Variants in NADSYN1 observed in about 807,000 individuals in gnomAD.
NADSYN1 encodes the protein glutamine-dependent NAD(+) synthetase.
In NADSYN1, 80 loss-of-function variants were observed where a neutral mutation model predicts 99.3. The ratio of observed to expected loss-of-function variants is 0.81; its 90% confidence interval spans 0.67 to 0.97. NADSYN1 has a LOEUF of 0.97. Ranked by LOEUF, NADSYN1 falls within the 50% of genes least tolerant of loss-of-function variation. NADSYN1 has a pLI of 0.00. For missense variants in NADSYN1, 859 were observed against 948.5 expected (o/e 0.91, Z 1.24); for synonymous variants, 385 against 372.1 (o/e 1.03, Z -0.40).
At chr11:71,480,178 T>C (rs1163345983) in intron 10 of NADSYN1, 2 of 152,520 alleles carry the variant, frequency 1.3e-5, no homozygotes, top group Non-Finnish European at 2.9e-5. Flanking sequence ...TTTTGTTTGT[T>C]TTTTGAGACG....
rs1949735207 is a variant in NADSYN1, at chr11:71,485,316, T to C, written c.1456-226T>C. On this transcript the variant is annotated intron_variant, in intron 15 of 20. Transcript: ENST00000319023. ...CCCTCCCGGGCTCTGGGTGCTCCCA[T>C]CTTTGAAGGCAAGGCACCACTGAGC... is the stretch of plus-strand genomic sequence containing the variant. 3 of 355,830 alleles carry C rather than the reference T, an allele frequency of 8.4e-6. No individual in the cohort carries two copies. In the Admixed American group the frequency reaches 1.4e-4, roughly 16 times the overall value. 22.0% of individuals were successfully genotyped at this position (355,830 alleles called of 1,614,324 possible).
At chr11:71,475,750 T>C (rs569014373) in intron 9 of NADSYN1, 55 of 286,814 alleles carry the variant, frequency 1.9e-4, no homozygotes, top group African/African-American at 1.2e-3. Flanking sequence ...AGTCTTGCTC[T>C]GTCACCCAGG....
At position 71,485,620 on chromosome 11, in the gene NADSYN1, G is replaced by A. The variant is rs773649594; in HGVS notation, c.1534G>A (p.Val512Met). Reference sequence around the variant, plus strand: ...TCGGGGTGTCCACGGTGGGCTCCTCGTGCTGGGATCCGCCAACGTGGATGA... The same window carrying A: ...TCGGGGTGTCCACGGTGGGCTCCTCATGCTGGGATCCGCCAACGTGGATGA... Reference protein sequence around the residue: ...WSRGVHGGLLVLGSANVDESL... With the variant: ...WSRGVHGGLLMLGSANVDESL... Residue 512 changes from valine to methionine, a missense_variant, in exon 16 of 21, where the codon GTG (valine) becomes ATG (methionine). By Grantham distance (21) the Val-to-Met change is conservative (BLOSUM62 1). Coordinates refer to ENST00000319023, the MANE Select transcript of NADSYN1 (RefSeq NM_018161.5). 1.1e-5 allele frequency: 17 copies of A among 1,558,062 alleles called. No homozygotes were observed. In the East Asian group the frequency reaches 2.4e-4, roughly 22 times the overall value.
chr11:71,464,171 A>T, intron 5 of NADSYN1, 29 bp downstream of exon 5: 1 of 1,555,556 alleles, frequency 6.4e-7, no homozygotes, highest in Non-Finnish European at 8.8e-7. Context: ...CACTCCTGGG[A>T]TGTGCGTTAA....
intron 2 of NADSYN1, among the ~76,000 whole-genome samples, chr11:71,457,115 GC>G (rs1409035930): frequency 1.3e-5 from 2 of 152,282 alleles, no homozygotes; most frequent in African/African-American, 4.8e-5. Flanking sequence ...ATGCCATGCA[GC>G]GGGACGTGTG....
intron 16 of NADSYN1, among the ~76,000 whole-genome samples, chr11:71,490,501 G>T (rs1201941938): frequency 4.6e-5 from 7 of 152,126 alleles, no homozygotes; most frequent in Non-Finnish European, 1.0e-4. Context: ...GCCCGCGGCC[G>T]CCCGGGCAGC....
intron 4 of NADSYN1, 138 bp from the exon 5 acceptor site, chr11:71,463,915 G>A: frequency 1.5e-6 from 1 of 648,062 alleles, no homozygotes; most frequent in South Asian, 1.9e-5. Context: ...GCCCAGAGAA[G>A]GAGAGAGATT....
At chr11:71,476,108 T>C (rs1469787416) in intron 9 of NADSYN1, 1 of 456,158 alleles carries the variant, frequency 2.2e-6, no homozygotes, top group Non-Finnish European at 4.4e-6. Context: ...AAAAAGTAAC[T>C]TTTAGTTCTG....
intron 5 of NADSYN1, among the ~76,000 whole-genome samples, chr11:71,471,546 C>CT (rs1435588551): frequency 8.5e-5 from 13 of 152,158 alleles, no homozygotes; most frequent in African/African-American, 2.7e-4. Context: ...TCCAGGGTGT[C>CT]TTTGCATGAG....
chr11:71,497,912 G>T (rs1023116757), intron 19 of NADSYN1, among the ~76,000 whole-genome samples: 3 of 152,226 alleles, frequency 2.0e-5, no homozygotes, highest in African/African-American at 7.2e-5. Context: ...CCTGTTGTGA[G>T]TCTTGCTGGG....
intron 6 of NADSYN1, among the ~76,000 whole-genome samples, 165 bp from the exon 7 acceptor site, chr11:71,473,113 C>T (rs1188957029): frequency 2.0e-5 from 3 of 152,246 alleles, no homozygotes; most frequent in African/African-American, 4.8e-5. Context: ...TGGCACCACC[C>T]GGTGTCCCAT....
At chr11:71,463,517 A>T in intron 4 of NADSYN1, 32 bp downstream of exon 4, 1 of 1,597,712 alleles carries the variant, frequency 6.3e-7, no homozygotes, top group Non-Finnish European at 8.6e-7. Context: ...CGGGAGGGTG[A>T]CTGGGGCCTC....
In NADSYN1 at chr11:71,481,984, A is replaced by G. The variant is rs2120474991; in HGVS notation, c.1109A>G (p.Tyr370Cys). ...VDSAATACLIYSMCCQVCEAV... is the reference protein window; with the variant it reads ...VDSAATACLICSMCCQVCEAV... ...AGCGCAGCCACCGCCTGCCTCATCT[A>G]CTCCATGTGCTGCCAGGTCTGCGAG... Residue 370 changes from tyrosine (Y) to cysteine (C), a missense_variant, in exon 13 of 21, where the codon TAC becomes TGC. Physicochemically the swap from Tyr to Cys is radical, Grantham distance 194. Coordinates refer to ENST00000319023, the MANE Select transcript of NADSYN1 (RefSeq NM_018161.5). 3 of 1,611,468 alleles carry G rather than the reference A, an allele frequency of 1.9e-6. No homozygotes were observed. The highest frequency in any genetic ancestry group is 3.3e-4 in the Middle Eastern group (2 of 6,056).
In NADSYN1 at chr11:71,484,351, C is replaced by T. The variant is rs759597146; in HGVS notation, c.1359C>T (p.Ala453=). ...TCAACATCGATCCAGCCGTGAAGGC[C>T]GTCATGGGCATCTTCAGCCTGGTGA... ...ISLNIDPAVK[A]VMGIFSLVTG... Residue 453 remains alanine, a synonymous_variant, in exon 15 of 21, where the codon GCC becomes GCT. Transcript: ENST00000319023. The T allele has an allele frequency of 1.1e-5, 18 of 1,614,218 alleles. No homozygotes were observed. The highest frequency in any genetic ancestry group is 1.1e-4 in the South Asian group (10 of 91,088).
intron 13 of NADSYN1, 37 bp from the exon 14 acceptor site, chr11:71,482,812 A>T: frequency 6.2e-7 from 1 of 1,606,704 alleles, no homozygotes; most frequent in Non-Finnish European, 8.5e-7. Context: ...CCACACACTC[A>T]GGTGACTTCC....
In NADSYN1 at chr11:71,464,043, C is replaced by G. The variant is rs755386819; in HGVS notation, c.318-10C>G. Reference sequence around the variant, plus strand: ...GCCCGGTGTGCACAGCCCTGTTCCCCTGTCTGCAGGAAGATCCTGCTCATC... The same window carrying G: ...GCCCGGTGTGCACAGCCCTGTTCCCGTGTCTGCAGGAAGATCCTGCTCATC... On this transcript the variant is annotated splice_polypyrimidine_tract_variant and intron_variant, in intron 4 of 20. Coordinates refer to ENST00000319023, the MANE Select transcript of NADSYN1 (RefSeq NM_018161.5). The G allele has an allele frequency of 6.2e-7, 1 of 1,606,850 alleles. No individual in the cohort carries two copies. Among genetic ancestry groups the G allele is most frequent in the Admixed American group, 1.7e-5 (1 of 59,374 alleles).
intron 5 of NADSYN1, among the ~76,000 whole-genome samples, chr11:71,470,462 G>T (rs1284783564): frequency 6.6e-6 from 1 of 152,240 alleles, no homozygotes; most frequent in Non-Finnish European, 1.5e-5. Flanking sequence ...CTTCACCTGG[G>T]TACTGTGTGC....
At chr11:71,494,956 T>C (rs1407178648) in intron 18 of NADSYN1, among the ~76,000 whole-genome samples, 2 of 152,270 alleles carry the variant, frequency 1.3e-5, no homozygotes, top group African/African-American at 4.8e-5. Flanking sequence ...TAAAGGTTTG[T>C]CAATTTTTTT....
chr11:71,473,187 G>A (rs1232028994), intron 6 of NADSYN1, 91 bp from the exon 7 acceptor site: 11 of 1,235,894 alleles, frequency 8.9e-6, no homozygotes, highest in Non-Finnish European at 1.2e-5. Flanking sequence ...TCCAGCTCTT[G>A]TGGCTGCAGG....
Sources: allele counts gnomAD v4.1 joint callset (sites outside exome capture counted in the v4.1 genomes callset), GRCh38; gene constraint gnomAD v4.1.1; transcripts MANE v1.5; gene names NCBI Gene and HGNC (gene_info 2026-07-23, HGNC 2026-07-21).